USP25: variants seen among roughly 807,000 people sequenced by gnomAD.
The protein encoded by USP25 is ubiquitin specific peptidase 25.
A neutral mutation model predicts 158.5 loss-of-function variants in USP25; 85 were observed. The ratio of observed to expected loss-of-function variants is 0.54; its 90% CI spans 0.45 to 0.64. The LOEUF (loss-of-function observed/expected upper bound fraction) is 0.64, where lower values mean the gene tolerates loss of function less well. Ranked by LOEUF, USP25 falls within the 30% of genes least tolerant of loss-of-function variation. The probability of loss-of-function intolerance (pLI) is 0.00; values close to 1 mark genes in which losing one functional copy is unlikely to be tolerated. For synonymous variants in USP25, 464 were observed against 460.4 expected (o/e 1.01, Z -0.10); for missense variants, 1,242 against 1,327.3 (o/e 0.94, Z 1.00).
chr21:15,835,697 C>T (rs1399480758), intron 17 of USP25, among the ~76,000 whole-genome samples: 1 of 152,084 alleles, frequency 6.6e-6, no homozygotes, highest in Admixed American at 6.6e-5. Context: ...TTATAGTTAC[C>T]TTTCAGCGTG....
At chr21:15,783,754 G>A (rs759351171) in intron 4 of USP25, among the ~76,000 whole-genome samples, 5 of 150,462 alleles carry the variant, frequency 3.3e-5, no homozygotes, top group Admixed American at 6.6e-5. Flanking sequence ...TCAGGAGATC[G>A]AGACCATCTT....
rs1459334870 is a variant in USP25, at chr21:15,778,018, C to A, written c.383C>A (p.Ala128Asp). 6.3e-7 allele frequency: 1 copy of A among 1,597,050 alleles called. No individual in the cohort carries two copies. ...ACTGGAATAACTGATGAGGAACAAG[C>A]CATTAGCAGGTAAAAACATAATTTG... ...RETGITDEEQ[A>D]ISRVLEASIA... is the part of the protein sequence containing the mutation. The change falls in exon 4 of 26, where the codon GCC becomes GAC. Residue 128 changes from alanine to aspartate, a missense_variant. Around this residue, in one of 3 missense-constraint regions of USP25, gnomAD observed 627 missense variants for 701.4 expected, o/e 0.89. Transcript: ENST00000400183.
chr21:15,789,263 A>G (rs1006031716), intron 4 of USP25, among the ~76,000 whole-genome samples: 1 of 152,106 alleles, frequency 6.6e-6, no homozygotes, highest in Non-Finnish European at 1.5e-5. Flanking sequence ...GGAATTGACT[A>G]TACTTAAAAC....
intron 23 of USP25, among the ~76,000 whole-genome samples, chr21:15,871,002 C>G (rs2039863354): frequency 6.6e-6 from 1 of 152,196 alleles, no homozygotes; most frequent in Admixed American, 6.5e-5. Flanking sequence ...TTCAGTAGTT[C>G]AGTAGCCTCA....
chr21:15,791,584 T>C lies in USP25; in HGVS notation c.475T>C (p.Tyr159His), dbSNP rs776261665. 3.1e-6 allele frequency: 5 copies of C among 1,611,860 alleles called. No individual in the cohort carries two copies. The highest frequency in any genetic ancestry group is 4.2e-6 in the Non-Finnish European group (5 of 1,178,518). The change falls in exon 5 of 26, where the codon TAT becomes CAT. Residue 159 changes from tyrosine (Y) to histidine (H), a missense_variant. By Grantham distance (83) the Tyr-to-His change is moderately conservative (BLOSUM62 2). Coordinates refer to ENST00000400183, the MANE Select transcript of USP25 (RefSeq NM_001283041.3). ...TEVWRDSRNP[Y>H]DRKRQDKAPV... ...AGTTTGGAGGGATTCTCGAAACCCT[T>C]ATGATAGAAAAAGACAGGACAAAGC... is the stretch of plus-strand genomic sequence containing the variant.
rs749183651 is a variant in USP25 at position 15,833,579 on chromosome 21, T to G, written c.2194+31T>G. ...TCCATTTTTATTAAGTTGTGTTTGA[T>G]TATCAATATTATTTTTATAATAAGA... On this transcript the variant is annotated intron_variant, in intron 17 of 25. Coordinates refer to ENST00000400183, the MANE Select transcript of USP25 (RefSeq NM_001283041.3). 7 of 1,560,768 alleles carry G rather than the reference T, an allele frequency of 4.5e-6. No homozygotes were observed. In the Admixed American group the frequency reaches 1.3e-4, roughly 28 times the overall value.
chr21:15,864,330 C>T lies in USP25; in HGVS notation c.2610C>T (p.Thr870=), dbSNP rs757537251. 8.1e-6 allele frequency: 13 copies of T among 1,612,636 alleles called. No individual in the cohort carries two copies. Among genetic ancestry groups the T allele is most frequent in the Admixed American group, 5.0e-5 (3 of 59,796 alleles). The stretch of plus-strand genomic sequence containing the variant: ...CCCAAGAAGACACCCCACCAGAAAC[C>T]GATTATCGTTTACATCATGTAGTGG... ...KLAQEDTPPE[T]DYRLHHVVVY... is the part of the protein sequence containing the mutation. Residue 870 remains threonine, a synonymous_variant, in exon 21 of 26, where the codon ACC becomes ACT. Transcript: ENST00000400183.
At chr21:15,800,080 T>C (rs1003858129) in intron 6 of USP25, among the ~76,000 whole-genome samples, 2 of 151,270 alleles carry the variant, frequency 1.3e-5, no homozygotes, top group African/African-American at 4.8e-5. Flanking sequence ...TTAGTAATTT[T>C]TTTGGGGGGG....
At chr21:15,775,394 A>G (rs1358809531) in intron 3 of USP25, among the ~76,000 whole-genome samples, 2 of 152,226 alleles carry the variant, frequency 1.3e-5, no homozygotes. Flanking sequence ...GGAAAGCTCT[A>G]GCTCAGACTT....
At chr21:15,773,500 G>A (rs540772568) in intron 3 of USP25, among the ~76,000 whole-genome samples, 109 of 152,084 alleles carry the variant, frequency 7.2e-4, no homozygotes, top group African/African-American at 2.6e-3. Context: ...CAGAGCGTGA[G>A]GGAAGTAATA....
rs1203655532 is a variant in USP25, at chr21:15,736,940, ACT to A, written c.45+6507_45+6508del. ...TTTTTTTTTTTTTCCAGATAAGTTAACTCTCTGTGTTACCTTGTAAGATTTTA... is the reference window on the plus strand; with the variant it reads ...TTTTTTTTTTTTTCCAGATAAGTTAACTCTGTGTTACCTTGTAAGATTTTA... On this transcript the variant is annotated intron_variant, in intron 1 of 25. Transcript: ENST00000400183. Among the ~76,000 whole-genome samples the A allele has an allele frequency of 2.7e-5, 4 of 146,170 alleles. No individual in the cohort carries two copies. The East Asian group carries it at 8.0e-4, about 29-fold the overall frequency.
At chr21:15,838,199 G>A (rs993049386) in intron 17 of USP25, among the ~76,000 whole-genome samples, 3 of 151,414 alleles carry the variant, frequency 2.0e-5, no homozygotes, top group African/African-American at 7.3e-5. Context: ...AAAGTGCTAG[G>A]ATTACAGGCA....
At chr21:15,752,276 C>A (rs951139667) in intron 1 of USP25, among the ~76,000 whole-genome samples, 2 of 147,716 alleles carry the variant, frequency 1.4e-5, no homozygotes, top group Non-Finnish European at 3.0e-5. Flanking sequence ...AGTGCAGTGG[C>A]GTGATCTCGA....
rs188897442 is a variant in USP25, at chr21:15,798,862, G to T, written c.556-895G>T. 6.8e-3 allele frequency among the ~76,000 whole-genome samples: 1,030 copies of T among 151,172 alleles called. 19 individuals carry two copies. Among genetic ancestry groups the T allele is most frequent in the Admixed American group, 0.033 (493 of 15,114 alleles). On this transcript the variant is annotated intron_variant, in intron 5 of 25. Coordinates refer to ENST00000400183, the MANE Select transcript of USP25 (RefSeq NM_001283041.3). ...CAAAACCTTGTTTCCTCATTGATTT[G>T]TGGTGCCACCTTTACCTTCTGTCAA...
chr21:15,801,956 G>A (rs116785490), intron 6 of USP25, among the ~76,000 whole-genome samples: 2,957 of 151,562 alleles, frequency 0.02, 105 homozygotes, highest in African/African-American at 0.065. Flanking sequence ...TCTTTGAACT[G>A]TTGGTAATTT....
At chr21:15,857,504 C>T (rs187209773) in intron 20 of USP25, among the ~76,000 whole-genome samples, 15 of 151,310 alleles carry the variant, frequency 9.9e-5, no homozygotes, top group Admixed American at 4.6e-4. Flanking sequence ...TTTCTTTGAT[C>T]TTTGTGAGGG....
intron 16 of USP25, among the ~76,000 whole-genome samples, chr21:15,832,724 G>GA (rs11311285): frequency 2.2e-4 from 33 of 147,040 alleles, no homozygotes; most frequent in Admixed American, 3.4e-4. Flanking sequence ...GAGTAGCAAA[G>GA]AAAAAAAAAA....
intron 16 of USP25, among the ~76,000 whole-genome samples, chr21:15,832,942 C>T (rs1312690284): frequency 2.0e-5 from 3 of 151,944 alleles, no homozygotes; most frequent in Non-Finnish European, 2.9e-5. Flanking sequence ...CGTCTGAACC[C>T]GGAAGGCGGA....
At chr21:15,845,606 T>A (rs2038546337) in intron 18 of USP25, among the ~76,000 whole-genome samples, 1 of 152,174 alleles carries the variant, frequency 6.6e-6, no homozygotes, top group Non-Finnish European at 1.5e-5. Context: ...GCAATTTTTT[T>A]CCCCCAAAGG....
Sources: allele counts gnomAD v4.1 joint callset (sites outside exome capture counted in the v4.1 genomes callset), GRCh38; gene constraint gnomAD v4.1.1; regional missense constraint gnomAD v4.1.1; transcripts MANE v1.5; gene names NCBI Gene and HGNC (gene_info 2026-07-23, HGNC 2026-07-21).